ARID5B: variants seen among roughly 807,000 people sequenced by gnomAD.
ARID5B encodes AT-rich interactive domain-containing protein 5B.
In ARID5B, 13 loss-of-function variants were observed where a neutral mutation model predicts 97.2. The ratio of observed to expected loss-of-function variants is 0.13; its 90% CI spans 0.09 to 0.21. The LOEUF (loss-of-function observed/expected upper bound fraction) is 0.21. Ranked by LOEUF, ARID5B falls within the 10% of genes least tolerant of loss-of-function variation. ARID5B has a pLI of 1.00. For missense variants in ARID5B, 1,210 were observed against 1,465.3 expected (o/e 0.83, Z 2.84); for synonymous variants, 556 against 570.3 (o/e 0.97, Z 0.36).
rs558956960 is a variant in ARID5B, at chr10:62,034,618, A to C, written c.734-16270A>C. ...AAGTGTGACATTTTAATTCCCGCTG[A>C]ACAATTTCCTACCTTGATTTGCCTT... On this transcript the variant is annotated intron_variant, in intron 4 of 9. Transcript: ENST00000279873. Among the ~76,000 whole-genome samples, 378 of 152,346 alleles carry C rather than the reference A, an allele frequency of 2.5e-3. 1 individual carries two copies. The highest frequency in any genetic ancestry group is 8.7e-3 in the African/African-American group (362 of 41,580).
At chr10:62,085,555 G>C in intron 8 of ARID5B, 147 bp from the exon 9 acceptor site, 1 of 716,258 alleles carries the variant, frequency 1.4e-6, no homozygotes, top group South Asian at 1.8e-5. Flanking sequence ...CTAAAGTGTA[G>C]AGTAAGTTTA....
intron 2 of ARID5B, among the ~76,000 whole-genome samples, chr10:61,930,930 C>A (rs1844199098): frequency 6.6e-6 from 1 of 151,856 alleles, no homozygotes; most frequent in African/African-American, 2.4e-5. Flanking sequence ...TTGTCTCTGG[C>A]CAGGAGTCTC....
At chr10:62,017,724 T>C (rs1839302124) in intron 4 of ARID5B, among the ~76,000 whole-genome samples, 1 of 152,212 alleles carries the variant, frequency 6.6e-6, no homozygotes, top group Non-Finnish European at 1.5e-5. Context: ...GCATGTCCAA[T>C]GTAATTGCTT....
chr10:62,057,212 T>G lies in ARID5B; in HGVS notation c.942T>G (p.Gly314=), dbSNP rs967302471. 4 of 1,613,706 alleles carry G rather than the reference T, an allele frequency of 2.5e-6. No homozygotes were observed. The highest frequency in any genetic ancestry group is 3.4e-6 in the Non-Finnish European group (4 of 1,179,840). Reference sequence around the variant, plus strand: ...AAGAAAAACCAAAGGTTGCCATTGGTGAAGAGTGCAGGGCAGATGAACAAG... The same window carrying G: ...AAGAAAAACCAAAGGTTGCCATTGGGGAAGAGTGCAGGGCAGATGAACAAG... ...SNEEKPKVAI[G]EECRADEQAF... Residue 314 remains glycine, a synonymous_variant, in exon 6 of 10, where the codon GGT becomes GGG. Coordinates refer to ENST00000279873, the MANE Select transcript of ARID5B (RefSeq NM_032199.3).
intron 2 of ARID5B, among the ~76,000 whole-genome samples, chr10:61,915,542 G>T (rs771853312): frequency 8.0e-4 from 122 of 152,186 alleles, no homozygotes; most frequent in Non-Finnish European, 1.6e-3. Context: ...TCTGGGCTGG[G>T]CTTGGCCTTG....
chr10:62,059,816 G>A (rs1019366928), intron 7 of ARID5B, among the ~76,000 whole-genome samples: 2 of 152,164 alleles, frequency 1.3e-5, no homozygotes, highest in African/African-American at 4.8e-5. Context: ...AACAGGCTCT[G>A]ACACTCTTTA....
At chr10:62,037,649 GC>G in intron 4 of ARID5B, among the ~76,000 whole-genome samples, 1 of 152,138 alleles carries the variant, frequency 6.6e-6, no homozygotes, top group South Asian at 2.1e-4. Flanking sequence ...AGCAAAAACC[GC>G]CCCCCTTCTT....
Position 61,904,890 on chromosome 10 carries a change from T to C in ARID5B, c.276+2477T>C, listed in dbSNP as rs912267626. The stretch of plus-strand genomic sequence containing the variant: ...AATGCAGATCGGTTTTCCACCCTGG[T>C]GATGTCATTTCCCCCCTGGCCTAAG... On this transcript the variant is annotated intron_variant, in intron 2 of 9. Coordinates refer to ENST00000279873, the MANE Select transcript of ARID5B (RefSeq NM_032199.3). 2.6e-5 allele frequency among the ~76,000 whole-genome samples: 4 copies of C among 152,218 alleles called. No individual in the cohort carries two copies. The East Asian group carries it at 7.7e-4, about 29-fold the overall frequency.
In ARID5B at chr10:62,000,268, A is replaced by C. The variant is rs1839058337; in HGVS notation, c.680A>C (p.Asp227Ala). 6.2e-7 allele frequency: 1 copy of C among 1,613,076 alleles called. No homozygotes were observed. The highest frequency in any genetic ancestry group is 8.5e-7 in the Non-Finnish European group (1 of 1,179,780). Residue 227 changes from aspartate (D) to alanine (A), a missense_variant, in exon 4 of 10, where the codon GAC becomes GCC. By Grantham distance (126) the Asp-to-Ala change is moderately radical. This residue lies in a region of ARID5B where 132 missense variants were observed against 156.7 expected (regional missense o/e 0.84). Transcript: ENST00000279873. This position sits in a 1 kb window ranked among gnomAD's most constrained non-coding sequence, Gnocchi z 4.4. ...AACCCTCAGATCCTGTACTGTCGGG[A>C]CACCTTTGACCACCCGACTCTCATA... Reference protein sequence around the residue: ...SRNPQILYCRDTFDHPTLIEN... With the variant: ...SRNPQILYCRATFDHPTLIEN...
At position 61,962,473 on chromosome 10, in the gene ARID5B, C is replaced by T. The variant is rs547046413; in HGVS notation, c.502+22065C>T. ...TTTAGGATGCTTGTTAATGACTCTA[C>T]GGGCACGTTGGTAGTCAGAACATTA... is the stretch of plus-strand genomic sequence containing the variant. On this transcript the variant is annotated intron_variant, in intron 3 of 9. Transcript: ENST00000279873. Among the ~76,000 whole-genome samples the T allele has an allele frequency of 1.5e-4, 23 of 152,304 alleles. No homozygotes were observed. In the South Asian group the frequency reaches 4.1e-3, roughly 27 times the overall value.
chr10:61,915,552 GGT>G (rs1189310844), intron 2 of ARID5B, among the ~76,000 whole-genome samples: 14 of 152,186 alleles, frequency 9.2e-5, no homozygotes, highest in Admixed American at 9.2e-4. Flanking sequence ...GCTTGGCCTT[GGT>G]GAATTCGTAG....
intron 2 of ARID5B, among the ~76,000 whole-genome samples, chr10:61,932,763 A>T (rs959411414): frequency 2.6e-5 from 4 of 152,160 alleles, no homozygotes; most frequent in African/African-American, 7.2e-5. Flanking sequence ...CAACCCTCTC[A>T]AACCCTGCCA....
chr10:62,022,920 C>T (rs951888818), intron 4 of ARID5B, among the ~76,000 whole-genome samples: 7 of 152,184 alleles, frequency 4.6e-5, no homozygotes, highest in Admixed American at 1.3e-4. Flanking sequence ...CAGCAGAACC[C>T]GTGGTGCCCG....
chr10:62,096,723 A>G lies in ARID5B; in HGVS notation c.*3693A>G, dbSNP rs1268351981. On this transcript the variant is annotated 3_prime_UTR_variant, in exon 10 of 10. Coordinates refer to ENST00000279873, the MANE Select transcript of ARID5B (RefSeq NM_032199.3). ...CCCAGTGATATTATATAGTTTCCCAATGGAGAGGTTATTGAGTAACCTTTG... is the reference window on the plus strand; with the variant it reads ...CCCAGTGATATTATATAGTTTCCCAGTGGAGAGGTTATTGAGTAACCTTTG... 2 of 233,454 alleles carry G rather than the reference A, an allele frequency of 8.6e-6. No homozygotes were observed. Among genetic ancestry groups the G allele is most frequent in the Admixed American group, 5.6e-5 (1 of 17,786 alleles). The allele number at this position is 233,454 out of a possible 1,614,324, so 14.5% of individuals were successfully genotyped here.
At chr10:61,902,653 G>A (rs1236465713) in intron 2 of ARID5B, among the ~76,000 whole-genome samples, 1 of 151,098 alleles carries the variant, frequency 6.6e-6, no homozygotes, top group Non-Finnish European at 1.5e-5. Flanking sequence ...TAACTTGTTC[G>A]AGAAGGGTTT....
intron 7 of ARID5B, among the ~76,000 whole-genome samples, chr10:62,068,417 G>A (rs1840020590): frequency 6.6e-6 from 1 of 151,690 alleles, no homozygotes; most frequent in South Asian, 2.1e-4. Flanking sequence ...AAAATGAAGG[G>A]GTTCTTTCTA....
intron 4 of ARID5B, among the ~76,000 whole-genome samples, chr10:62,022,100 A>C (rs1305527614): frequency 6.6e-6 from 1 of 152,182 alleles, no homozygotes; most frequent in Admixed American, 6.5e-5. Context: ...ACTACAATTC[A>C]TATAAGTGGA....
intron 8 of ARID5B, among the ~76,000 whole-genome samples, chr10:62,079,098 A>C (rs952754898): frequency 6.6e-6 from 1 of 152,226 alleles, no homozygotes; most frequent in Admixed American, 6.5e-5. Flanking sequence ...TGCTCACTCC[A>C]GTTTCTCAGG....
chr10:61,959,967 G>T (rs1838446601), intron 3 of ARID5B, among the ~76,000 whole-genome samples: 2 of 152,082 alleles, frequency 1.3e-5, no homozygotes, highest in South Asian at 4.1e-4. Flanking sequence ...TCCTGAAGTT[G>T]GTCCATGAAC....
Sources: gnomAD v4.1 joint callset for allele counts (sites outside exome capture counted in the v4.1 genomes callset) on GRCh38, gnomAD v4.1.1 for gene constraint, gnomAD v4.1.1 regional missense constraint, Gnocchi (gnomAD v3.1) non-coding constraint, MANE v1.5 for transcripts, NCBI Gene and HGNC (gene_info 2026-07-23, HGNC 2026-07-21) for gene names.